The following TCF7L1 variants were observed in gnomAD, a reference collection of about 807,000 sequenced individuals.
TCF7L1 encodes transcription factor 7-like 1.
TCF7L1 carries 18 observed loss-of-function variants against 63.7 expected under a neutral mutation model. The observed-to-expected ratio is 0.28, with a 90% CI of 0.20 to 0.42. TCF7L1 has a LOEUF of 0.42. TCF7L1 is among the 10% of genes least tolerant of loss of function. The pLI is 1.00. For synonymous variants in TCF7L1, 355 were observed against 340.9 expected, an observed-to-expected ratio of 1.04 and a Z score of -0.46; for missense variants, 654 against 779.3, an observed-to-expected ratio of 0.84 and a Z score of 1.91.
chr2:85,218,650 A>AGGGG (rs1558637241), intron 3 of TCF7L1, among the ~76,000 whole-genome samples: 26 of 148,982 alleles, frequency 1.7e-4, no homozygotes, highest in African/African-American at 5.7e-4. Flanking sequence ...GGGGGGGGGA[A>AGGGG]AACTGGTGAT....
chr2:85,208,683 G>A (rs1241018750), intron 3 of TCF7L1, among the ~76,000 whole-genome samples: 1 of 152,196 alleles, frequency 6.6e-6, no homozygotes, highest in Non-Finnish European at 1.5e-5. Context: ...TTTAGTGGAA[G>A]AGGGCCTCTG....
At chr2:85,173,806 G>A (rs528033409) in intron 3 of TCF7L1, among the ~76,000 whole-genome samples, 8 of 151,794 alleles carry the variant, frequency 5.3e-5, no homozygotes, top group South Asian at 2.1e-4. Flanking sequence ...GCGCGATCTC[G>A]GCTCACTGCA....
chr2:85,282,739 C>T (rs1048009365), intron 3 of TCF7L1, among the ~76,000 whole-genome samples: 1 of 151,676 alleles, frequency 6.6e-6, no homozygotes. Context: ...CTCCACTCAA[C>T]TCATTCTTTC....
chr2:85,273,403 T>C (rs1681198962), intron 3 of TCF7L1, among the ~76,000 whole-genome samples: 1 of 152,172 alleles, frequency 6.6e-6, no homozygotes, highest in African/African-American at 2.4e-5. Context: ...CTTCAAATCA[T>C]CACCCATACA....
chr2:85,156,208 A>G lies in TCF7L1; in HGVS notation c.441+21758A>G, dbSNP rs562627753. ...GCCAAGTGGGTAGGTATGTACGTCTATGGTCTCATGTCGGTGAGCACAAGC... is the reference window on the plus strand; with the variant it reads ...GCCAAGTGGGTAGGTATGTACGTCTGTGGTCTCATGTCGGTGAGCACAAGC... On this transcript the variant is annotated intron_variant, in intron 3 of 11. Coordinates refer to ENST00000282111, the MANE Select transcript of TCF7L1 (RefSeq NM_031283.3). 1.3e-4 allele frequency among the ~76,000 whole-genome samples: 20 copies of G among 152,290 alleles called. No homozygotes were observed. The South Asian group carries it at 2.1e-3, about 16-fold the overall frequency.
intron 3 of TCF7L1, among the ~76,000 whole-genome samples, chr2:85,148,900 T>C (rs979215672): frequency 6.6e-6 from 1 of 150,758 alleles, no homozygotes; most frequent in Admixed American, 6.6e-5. Flanking sequence ...TGCCTCAGCC[T>C]CCTGAGTAGA....
At chr2:85,164,221 T>C (rs907616117) in intron 3 of TCF7L1, among the ~76,000 whole-genome samples, 3 of 152,260 alleles carry the variant, frequency 2.0e-5, no homozygotes, top group Middle Eastern at 3.4e-3. Flanking sequence ...CTGACTGGCG[T>C]CTGCTCCCTG....
intron 3 of TCF7L1, among the ~76,000 whole-genome samples, chr2:85,250,902 C>T (rs1386706197): frequency 6.6e-6 from 1 of 152,156 alleles, no homozygotes; most frequent in East Asian, 1.9e-4. Flanking sequence ...CTTTCAGAGC[C>T]ACTAAAGAAA....
At chr2:85,198,040 A>C (rs187266672) in intron 3 of TCF7L1, among the ~76,000 whole-genome samples, 49 of 152,328 alleles carry the variant, frequency 3.2e-4, no homozygotes, top group Non-Finnish European at 5.3e-4. Context: ...CGTTCAGTGC[A>C]AGGGAAGACA....
intron 3 of TCF7L1, among the ~76,000 whole-genome samples, chr2:85,172,814 C>CCT (rs1272149010): frequency 6.6e-6 from 1 of 152,150 alleles, no homozygotes; most frequent in Non-Finnish European, 1.5e-5. Flanking sequence ...CTCAGTGAGG[C>CCT]CTCCCCTGAC....
chr2:85,242,211 T>C (rs898097790), intron 3 of TCF7L1, among the ~76,000 whole-genome samples: 1 of 151,856 alleles, frequency 6.6e-6, no homozygotes, highest in Non-Finnish European at 1.5e-5. Flanking sequence ...ATTGATACCA[T>C]GAGGCTGGAA....
intron 3 of TCF7L1, among the ~76,000 whole-genome samples, chr2:85,246,535 A>G (rs866841906): frequency 6.6e-6 from 1 of 152,218 alleles, no homozygotes; most frequent in African/African-American, 2.4e-5. Flanking sequence ...ACTCCTATTT[A>G]ATAGACAGTG....
chr2:85,308,501 TC>T (rs1482952285), intron 11 of TCF7L1, among the ~76,000 whole-genome samples: 1 of 32,186 alleles, frequency 3.1e-5, no homozygotes, highest in African/African-American at 1.6e-4. Context: ...CTTCCCCCCC[TC>T]CCTTTCTTCT....
At chr2:85,290,657 G>A (rs1338867136) in intron 4 of TCF7L1, among the ~76,000 whole-genome samples, 1 of 152,200 alleles carries the variant, frequency 6.6e-6, no homozygotes, top group Non-Finnish European at 1.5e-5. Flanking sequence ...ACAGTTCTGT[G>A]TTAGGGTTCT....
intron 6 of TCF7L1, 34 bp downstream of exon 6, chr2:85,304,031 C>T: frequency 6.6e-7 from 1 of 1,513,918 alleles, no homozygotes; most frequent in South Asian, 1.1e-5. Context: ...CCCCCTGCTC[C>T]CTCCTTGCGC....
chr2:85,200,843 C>T lies in TCF7L1; in HGVS notation c.441+66393C>T, dbSNP rs548682355. On this transcript the variant is annotated intron_variant, in intron 3 of 11. Transcript: ENST00000282111. ...ATACCTGCGACACTTGAGTTACCTG[C>T]GACACTTGAGTTACCTGCGACACTT... is the stretch of plus-strand genomic sequence containing the variant. Among the ~76,000 whole-genome samples, 12 of 152,246 alleles carry T rather than the reference C, an allele frequency of 7.9e-5. No individual in the cohort carries two copies. The South Asian group carries it at 1.9e-3, about 24-fold the overall frequency.
chr2:85,304,519 C>T (rs1457948447), intron 7 of TCF7L1, among the ~76,000 whole-genome samples, 181 bp downstream of exon 7: 2 of 152,072 alleles, frequency 1.3e-5, no homozygotes, highest in Non-Finnish European at 2.9e-5. Flanking sequence ...GAATGGAGAC[C>T]ACAGGATCAC....
At chr2:85,136,892 A>T (rs1677608302) in intron 3 of TCF7L1, among the ~76,000 whole-genome samples, 1 of 152,162 alleles carries the variant, frequency 6.6e-6, no homozygotes, top group Non-Finnish European at 1.5e-5. Flanking sequence ...GATAATTGTC[A>T]CTGTAGGCAA....
chr2:85,304,045 G>A (rs1394134344), intron 6 of TCF7L1, 48 bp downstream of exon 6: 2 of 1,475,112 alleles, frequency 1.4e-6, no homozygotes, highest in Non-Finnish European at 1.9e-6. Context: ...CTTGCGCTGA[G>A]CTCTGCCTCT....
Sources: gnomAD v4.1 joint callset for allele counts (sites outside exome capture counted in the v4.1 genomes callset) on GRCh38, gnomAD v4.1.1 for gene constraint, MANE v1.5 for transcripts, NCBI Gene and HGNC (gene_info 2026-07-23, HGNC 2026-07-21) for gene names.